The following PPP1R1A variants were observed in gnomAD, a reference collection of about 807,000 sequenced individuals.
The protein encoded by PPP1R1A is protein phosphatase 1 regulatory inhibitor subunit 1A.
PPP1R1A carries 18 observed loss-of-function variants against 23.9 expected under a neutral mutation model. The ratio of observed to expected loss-of-function variants is 0.75; its 90% confidence interval spans 0.52 to 1.12. PPP1R1A has a LOEUF of 1.12. PPP1R1A is among the 50% of genes most tolerant of loss of function. PPP1R1A has a pLI of 0.00. For synonymous variants in PPP1R1A, 84 were observed against 80.7 expected (o/e 1.04, Z -0.22); for missense variants, 207 against 223.8 (o/e 0.92, Z 0.48).
chr12:54,583,288 A>G, intron 2 of PPP1R1A, 40 bp from the exon 3 acceptor site: 1 of 1,459,384 alleles, frequency 6.9e-7, no homozygotes, highest in East Asian at 2.6e-5. Context: ...TAAGGACAGG[A>G]AACCAGGGAT....
At chr12:54,580,888 G>A (rs747779684) in intron 6 of PPP1R1A, 56 bp downstream of exon 6, 2 of 1,396,490 alleles carry the variant, frequency 1.4e-6, no homozygotes, top group South Asian at 2.3e-5. Flanking sequence ...CCTTGCTTTT[G>A]TCCACAATAT....
At chr12:54,582,228 C>T in intron 4 of PPP1R1A, 97 bp from the exon 5 acceptor site, 9 of 1,298,368 alleles carry the variant, frequency 6.9e-6, no homozygotes, top group Middle Eastern at 1.9e-4. Flanking sequence ...AGGCTCAGCA[C>T]ACATTGCTGG....
chr12:54,579,609 T>A lies in PPP1R1A; in HGVS notation c.*778A>T. ...GACAGTTTCTTCTCTTATGCTTGGT[T>A]TTGGTCTTATCTGGGCCCCTCAATG... On this transcript the variant is annotated 3_prime_UTR_variant, in exon 7 of 7. Transcript: ENST00000257905. 1 of 985,430 alleles carries A rather than the reference T, an allele frequency of 1.0e-6. No homozygotes were observed. Among genetic ancestry groups the A allele is most frequent in the Non-Finnish European group, 1.2e-6 (1 of 829,964 alleles). The allele number at this position is 985,430 out of a possible 1,614,324, so 61.0% of individuals were successfully genotyped here.
chr12:54,581,957 C>A lies in PPP1R1A; in HGVS notation c.403+19G>T. 1 of 1,597,330 alleles carries A rather than the reference C, an allele frequency of 6.3e-7. No homozygotes were observed. The highest frequency in any genetic ancestry group is 8.5e-7 in the Non-Finnish European group (1 of 1,170,748). On this transcript the variant is annotated intron_variant, in intron 5 of 6. Transcript: ENST00000257905. The surrounding 1 kb of genome is among the most constrained non-coding windows in gnomAD (Gnocchi z 4.1). Reference sequence around the variant, plus strand: ...GCTGGGAAATAGGATGCCTGGGGCCCTCCCCAGCCTGAACATACTTTTTGC... The same window carrying A: ...GCTGGGAAATAGGATGCCTGGGGCCATCCCCAGCCTGAACATACTTTTTGC...
chr12:54,580,858 C>T lies in PPP1R1A; in HGVS notation c.510+86G>A, dbSNP rs748840629. ...AAGCTGGTTCTTTGTTTTCCTTTTC[C>T]TAGACTCCAAATATTAGCCCCTTGC... On this transcript the variant is annotated intron_variant, in intron 6 of 6. Coordinates refer to ENST00000257905, the MANE Select transcript of PPP1R1A (RefSeq NM_006741.4). 11 of 1,165,896 alleles carry T rather than the reference C, an allele frequency of 9.4e-6. No individual in the cohort carries two copies. The South Asian group carries it at 1.3e-4, about 14-fold the overall frequency. The allele number at this position is 1,165,896 out of a possible 1,614,324, so 72.2% of individuals were successfully genotyped here. A position where few individuals can be genotyped will look rare whatever the true frequency, so the allele number is the denominator to read the frequency against.
chr12:54,582,211 C>T, intron 4 of PPP1R1A, 80 bp from the exon 5 acceptor site: 1 of 1,413,006 alleles, frequency 7.1e-7, no homozygotes, highest in East Asian at 2.5e-5. Flanking sequence ...TTCAACAGCC[C>T]CACTAAAGGC....
chr12:54,588,529 G>T lies in PPP1R1A; in HGVS notation c.-41C>A. 1 of 1,264,646 alleles carries T rather than the reference G, an allele frequency of 7.9e-7. No individual in the cohort carries two copies. The highest frequency in any genetic ancestry group is 1.0e-6 in the Non-Finnish European group (1 of 980,418). 78.3% of individuals were successfully genotyped at this position (1,264,646 alleles called of 1,614,324 possible). On this transcript the variant is annotated 5_prime_UTR_variant, in exon 1 of 7. Transcript: ENST00000257905. ...CGGTGGGCCCGCGCTGCGGCGGGAGGGAAGGCGGCGGGACTCGGGGCTGGG... is the reference window on the plus strand; with the variant it reads ...CGGTGGGCCCGCGCTGCGGCGGGAGTGAAGGCGGCGGGACTCGGGGCTGGG...
chr12:54,588,645 G>A lies in PPP1R1A; in HGVS notation c.-157C>T. 4.0e-6 allele frequency: 1 copy of A among 252,552 alleles called. No individual in the cohort carries two copies. Among genetic ancestry groups the A allele is most frequent in the Non-Finnish European group, 7.2e-6 (1 of 139,536 alleles). 15.6% of individuals were successfully genotyped at this position (252,552 alleles called of 1,614,324 possible). ...TCCCGGCACAGCGCTCCCAGCTCGC[G>A]GCTCCGGGGACTCTGCCGCCGCCGA... On this transcript the variant is annotated 5_prime_UTR_variant, in exon 1 of 7. Transcript: ENST00000257905.
At chr12:54,586,694 C>T (rs1215765961) in intron 1 of PPP1R1A, among the ~76,000 whole-genome samples, 1 of 152,198 alleles carries the variant, frequency 6.6e-6, no homozygotes. Context: ...AGTCCCGGCT[C>T]TCTTTTTTCC....
Position 54,579,921 on chromosome 12 carries a change from G to C in PPP1R1A, c.*466C>G, listed in dbSNP as rs891554440. Reference sequence around the variant, plus strand: ...GGAGCCCACCGCACAGTCACAGCTGGACACGGCACAGGCCTTAGAGCGCCG... The same window carrying C: ...GGAGCCCACCGCACAGTCACAGCTGCACACGGCACAGGCCTTAGAGCGCCG... On this transcript the variant is annotated 3_prime_UTR_variant, in exon 7 of 7. Coordinates refer to ENST00000257905, the MANE Select transcript of PPP1R1A (RefSeq NM_006741.4). 2.0e-6 allele frequency: 2 copies of C among 988,582 alleles called. No homozygotes were observed. The highest frequency in any genetic ancestry group is 6.0e-5 in the Admixed American group (1 of 16,714). The allele number at this position is 988,582 out of a possible 1,614,324, so 61.2% of individuals were successfully genotyped here.
rs958261830 is a variant in PPP1R1A at position 54,579,410 on chromosome 12, T to C, written c.*977A>G. The C allele has an allele frequency of 9.1e-6, 9 of 985,140 alleles. No individual in the cohort carries two copies. Among genetic ancestry groups the C allele is most frequent in the Non-Finnish European group, 1.1e-5 (9 of 829,932 alleles). The allele number at this position is 985,140 out of a possible 1,614,324, so 61.0% of individuals were successfully genotyped here. On this transcript the variant is annotated 3_prime_UTR_variant, in exon 7 of 7. Coordinates refer to ENST00000257905, the MANE Select transcript of PPP1R1A (RefSeq NM_006741.4). ...CCCAGGAGGAGGCCCCGAGGGCTCA[T>C]AGTAGCTGCATGGCAGAAGTGGGAC...
chr12:54,582,849 C>A, intron 3 of PPP1R1A, 54 bp from the exon 4 acceptor site: 1 of 1,548,348 alleles, frequency 6.5e-7, no homozygotes. Flanking sequence ...CTCTCCAGAC[C>A]CCTCCCTTGC....
chr12:54,586,372 C>T (rs1180490621), intron 1 of PPP1R1A, among the ~76,000 whole-genome samples: 1 of 152,190 alleles, frequency 6.6e-6, no homozygotes, highest in East Asian at 1.9e-4. Flanking sequence ...AGTAGATGGT[C>T]TCTTTTCCTT....
chr12:54,579,939 G>C lies in PPP1R1A; in HGVS notation c.*448C>G, dbSNP rs190561069. 70 of 994,226 alleles carry C rather than the reference G, an allele frequency of 7.0e-5. No individual in the cohort carries two copies. Among genetic ancestry groups the C allele is most frequent in the Non-Finnish European group, 7.1e-5 (59 of 835,118 alleles). The allele number at this position is 994,226 out of a possible 1,614,324, so 61.6% of individuals were successfully genotyped here. A position where few individuals can be genotyped will look rare whatever the true frequency, so the allele number is the denominator to read the frequency against. ...ACAGCTGGACACGGCACAGGCCTTA[G>C]AGCGCCGAGTCTTCCAGCTGCAGGG... On this transcript the variant is annotated 3_prime_UTR_variant, in exon 7 of 7. Coordinates refer to ENST00000257905, the MANE Select transcript of PPP1R1A (RefSeq NM_006741.4).
In PPP1R1A at chr12:54,579,850, C is replaced by A; in HGVS notation, c.*537G>T. 1 of 985,788 alleles carries A rather than the reference C, an allele frequency of 1.0e-6. No homozygotes were observed. The highest frequency in any genetic ancestry group is 1.2e-6 in the Non-Finnish European group (1 of 830,232). The allele number at this position is 985,788 out of a possible 1,614,324, so 61.1% of individuals were successfully genotyped here. A position where few individuals can be genotyped will look rare whatever the true frequency, so the allele number is the denominator to read the frequency against. On this transcript the variant is annotated 3_prime_UTR_variant, in exon 7 of 7. Coordinates refer to ENST00000257905, the MANE Select transcript of PPP1R1A (RefSeq NM_006741.4). ...TCGGCACACCACCATACCCTCTTTC[C>A]CATGGGCCAAGTGCCATGGTGCAGT...
At chr12:54,582,586 A>G in intron 4 of PPP1R1A, 146 bp downstream of exon 4, 2 of 963,406 alleles carry the variant, frequency 2.1e-6, no homozygotes, top group South Asian at 2.9e-5. Flanking sequence ...AGTCAGTGGC[A>G]AAACTGGGAT....
intron 6 of PPP1R1A, among the ~76,000 whole-genome samples, 185 bp from the exon 7 acceptor site, chr12:54,580,577 G>C (rs1424745629): frequency 6.6e-6 from 1 of 152,208 alleles, no homozygotes; most frequent in Non-Finnish European, 1.5e-5. Flanking sequence ...TCAAAGCTCA[G>C]GAAGTTATCT....
chr12:54,584,817 C>G (rs892424155), intron 1 of PPP1R1A, among the ~76,000 whole-genome samples: 1 of 152,082 alleles, frequency 6.6e-6, no homozygotes, highest in African/African-American at 2.4e-5. Flanking sequence ...AGAGCTAATC[C>G]TAAGGATCCA....
At position 54,580,077 on chromosome 12, in the gene PPP1R1A, C is replaced by T; in HGVS notation, c.*310G>A. The T allele has an allele frequency of 1.8e-6, 2 of 1,097,184 alleles. No individual in the cohort carries two copies. The highest frequency in any genetic ancestry group is 2.2e-6 in the Non-Finnish European group (2 of 898,060). The allele number at this position is 1,097,184 out of a possible 1,614,324, so 68.0% of individuals were successfully genotyped here. ...TCCCACCTATCTGACCCTCATCTCTCTTCCCACAGCAAGTAAAGTCAGGGC... is the reference window on the plus strand; with the variant it reads ...TCCCACCTATCTGACCCTCATCTCTTTTCCCACAGCAAGTAAAGTCAGGGC... On this transcript the variant is annotated 3_prime_UTR_variant, in exon 7 of 7. Coordinates refer to ENST00000257905, the MANE Select transcript of PPP1R1A (RefSeq NM_006741.4).
Sources: allele counts gnomAD v4.1 joint callset (sites outside exome capture counted in the v4.1 genomes callset), GRCh38; gene constraint gnomAD v4.1.1; non-coding constraint Gnocchi (gnomAD v3.1); transcripts MANE v1.5; gene names NCBI Gene and HGNC (gene_info 2026-07-23, HGNC 2026-07-21).